The following APPL1 variants were observed in gnomAD, a reference collection of about 807,000 sequenced individuals.
APPL1 encodes the protein DCC-interacting protein 13-alpha.
Under a neutral mutation model 106.8 loss-of-function variants are expected in APPL1, and 42 were observed. The observed-to-expected ratio is 0.39, with a 90% CI of 0.31 to 0.51. APPL1 has a LOEUF of 0.51. Among genes scored for constraint, APPL1 ranks in the 20% least tolerant of loss-of-function variants. The probability of loss-of-function intolerance (pLI) is 0.75; values close to 1 mark genes in which losing one functional copy is unlikely to be tolerated. For missense variants in APPL1, 769 were observed against 858.2 expected, an observed-to-expected ratio of 0.90 and a Z score of 1.30; for synonymous variants, 263 against 281.8, an observed-to-expected ratio of 0.93 and a Z score of 0.67.
chr3:57,240,628 T>TA, intron 5 of APPL1, 76 bp downstream of exon 5: 1 of 1,294,350 alleles, frequency 7.7e-7, no homozygotes, highest in Non-Finnish European at 1.1e-6. Flanking sequence ...ACTCTGTACT[T>TA]ACACCATTTC....
chr3:57,232,052 G>GA (rs1228065030), intron 1 of APPL1, among the ~76,000 whole-genome samples: 3 of 152,138 alleles, frequency 2.0e-5, no homozygotes, highest in Admixed American at 6.6e-5. Context: ...CATTGAGCCA[G>GA]AAAATCTTAA....
At chr3:57,230,297 C>T (rs1002794633) in intron 1 of APPL1, among the ~76,000 whole-genome samples, 52 of 152,316 alleles carry the variant, frequency 3.4e-4, no homozygotes, top group African/African-American at 1.1e-3. Flanking sequence ...GTCTTAATGA[C>T]ATGTTTTTAT....
chr3:57,260,475 ATTAC>A (rs2060859342), intron 18 of APPL1, 149 bp from the exon 19 acceptor site: 1 of 669,662 alleles, frequency 1.5e-6, no homozygotes, highest in Non-Finnish European at 2.2e-6. Context: ...CAAATATGAC[ATTAC>A]TTGTTTCTGC....
chr3:57,270,464 T>C lies in APPL1; in HGVS notation c.*777T>C. 6.5e-6 allele frequency: 1 copy of C among 152,792 alleles called. No homozygotes were observed. The allele number at this position is 152,792 out of a possible 1,614,324, so 9.5% of individuals were successfully genotyped here. ...GATATTGGAATTTATTAAAAGATTT[T>C]TGTTCAATACATTTTAGATTAGGAT... is the stretch of plus-strand genomic sequence containing the variant. On this transcript the variant is annotated 3_prime_UTR_variant, in exon 22 of 22. Coordinates refer to ENST00000288266, the MANE Select transcript of APPL1 (RefSeq NM_012096.3).
chr3:57,248,939 A>C (rs2060789026), intron 10 of APPL1, among the ~76,000 whole-genome samples: 1 of 152,228 alleles, frequency 6.6e-6, no homozygotes, highest in Non-Finnish European at 1.5e-5. Context: ...TAACATGAGA[A>C]TGCTATGAAA....
intron 9 of APPL1, 81 bp downstream of exon 9, chr3:57,247,558 C>T (rs2060781042): frequency 6.7e-6 from 6 of 889,146 alleles, no homozygotes; most frequent in Non-Finnish European, 1.0e-5. Context: ...AGATATTTAT[C>T]ATTTACTTTC....
intron 9 of APPL1, among the ~76,000 whole-genome samples, chr3:57,247,903 T>C (rs930756964): frequency 6.6e-6 from 1 of 152,164 alleles, no homozygotes; most frequent in African/African-American, 2.4e-5. Flanking sequence ...TGGAGAGAGA[T>C]GAAAGTGATT....
At chr3:57,249,330 T>G in intron 10 of APPL1, 30 bp from the exon 11 acceptor site, 1 of 1,612,380 alleles carries the variant, frequency 6.2e-7, no homozygotes, top group Non-Finnish European at 8.5e-7. Context: ...TATGTTGTTA[T>G]TAAAGAGTGA....
At chr3:57,262,937 G>A (rs550551899) in intron 19 of APPL1, among the ~76,000 whole-genome samples, 1 of 148,588 alleles carries the variant, frequency 6.7e-6, no homozygotes, top group African/African-American at 2.5e-5. Context: ...TGCAACCTCC[G>A]CCCCCTCGGG....
At position 57,260,010 on chromosome 3, in the gene APPL1, A is replaced by G; in HGVS notation, c.1649A>G (p.Asp550Gly). 1.2e-6 allele frequency: 2 copies of G among 1,613,586 alleles called. 1 individual carries two copies. Among genetic ancestry groups the G allele is most frequent in the South Asian group, 2.2e-5 (2 of 90,850 alleles). ...MTESHLLVTCDCLKLIDPQTQ... is the reference protein window; with the variant it reads ...MTESHLLVTCGCLKLIDPQTQ... Reference sequence around the variant, plus strand: ...GAATCGCATTTATTAGTCACTTGTGACTGTTTAAAGTAAGTAAAACCCTCC... The same window carrying G: ...GAATCGCATTTATTAGTCACTTGTGGCTGTTTAAAGTAAGTAAAACCCTCC... The change falls in exon 17 of 22, where the codon GAC becomes GGC. Residue 550 changes from aspartate (D) to glycine (G), a missense_variant. Physicochemically the swap from Asp to Gly is moderately conservative, Grantham distance 94. Transcript: ENST00000288266.
At position 57,246,791 on chromosome 3, in the gene APPL1, C is replaced by T. The variant is rs936103601; in HGVS notation, c.621+569C>T. ...GCCGAGGTAGGAGGATCATTTGAGTCCAGGAGTTTGAGACTAGCCTCAGCA... is the reference window on the plus strand; with the variant it reads ...GCCGAGGTAGGAGGATCATTTGAGTTCAGGAGTTTGAGACTAGCCTCAGCA... On this transcript the variant is annotated intron_variant, in intron 8 of 21. Transcript: ENST00000288266. 5.9e-5 allele frequency among the ~76,000 whole-genome samples: 9 copies of T among 151,828 alleles called. No individual in the cohort carries two copies. The East Asian group carries it at 9.7e-4, about 16-fold the overall frequency.
intron 7 of APPL1, 46 bp downstream of exon 7, chr3:57,242,960 T>A: frequency 7.0e-7 from 1 of 1,431,200 alleles, no homozygotes; most frequent in Non-Finnish European, 9.8e-7. Flanking sequence ...AACTATTCAT[T>A]AGGTGGTTTA....
intron 8 of APPL1, among the ~76,000 whole-genome samples, chr3:57,246,822 G>C (rs1245849233): frequency 6.6e-6 from 1 of 151,942 alleles, no homozygotes; most frequent in East Asian, 1.9e-4. Flanking sequence ...CAGCAACGTA[G>C]GGAGACCCCA....
At chr3:57,233,963 A>G (rs2060702639) in intron 1 of APPL1, among the ~76,000 whole-genome samples, 1 of 152,072 alleles carries the variant, frequency 6.6e-6, no homozygotes, top group Admixed American at 6.6e-5. Context: ...ACATGCCTGT[A>G]GTCCCAGCTA....
At chr3:57,258,436 A>G (rs1461895575) in intron 15 of APPL1, among the ~76,000 whole-genome samples, 1 of 152,214 alleles carries the variant, frequency 6.6e-6, no homozygotes, top group Non-Finnish European at 1.5e-5. Flanking sequence ...CTGAGATTAC[A>G]GGTGTGAGCC....
At chr3:57,258,864 G>A (rs2060850712) in intron 15 of APPL1, 164 bp from the exon 16 acceptor site, 2 of 553,278 alleles carry the variant, frequency 3.6e-6, no homozygotes, top group Non-Finnish European at 6.4e-6. Flanking sequence ...TGAGGGCAGA[G>A]GCCTTCATCA....
rs200042046 is a variant in APPL1, at chr3:57,269,822, TA to T, written c.*143del. 6.3e-5 allele frequency: 65 copies of T among 1,032,850 alleles called. No individual in the cohort carries two copies. The highest frequency in any genetic ancestry group is 7.7e-5 in the Admixed American group (3 of 38,728). The allele number at this position is 1,032,850 out of a possible 1,614,324, so 64.0% of individuals were successfully genotyped here. On this transcript the variant is annotated 3_prime_UTR_variant, in exon 22 of 22. Coordinates refer to ENST00000288266, the MANE Select transcript of APPL1 (RefSeq NM_012096.3). ...TTGCTTATTTGTTGTAGCTACATTT[TA>T]AAAAAAAGATTGAACTTGATGACTT... is the stretch of plus-strand genomic sequence containing the variant.
intron 11 of APPL1, among the ~76,000 whole-genome samples, 191 bp from the exon 12 acceptor site, chr3:57,252,078 C>A (rs2060808238): frequency 6.6e-6 from 1 of 152,148 alleles, no homozygotes. Flanking sequence ...AAAGTCAGAG[C>A]TGTTAAAGTC....
Position 57,249,412 on chromosome 3 carries a change from G to C in APPL1, c.916G>C (p.Gly306Arg), listed in dbSNP as rs758276895. The C allele has an allele frequency of 1.9e-5, 30 of 1,614,138 alleles. No individual in the cohort carries two copies. The South Asian group carries it at 3.3e-4, about 18-fold the overall frequency. Residue 306 changes from glycine (G) to arginine (R), a missense_variant, in exon 11 of 22, where the codon GGT becomes CGT. Coordinates refer to ENST00000288266, the MANE Select transcript of APPL1 (RefSeq NM_012096.3). ...TWDRQFYFTQ[G>R]GNLMSQARGD... is the part of the protein sequence containing the mutation. ...GGACAGACAGTTTTACTTCACGCAGGGTGGAAATTTAATGAGTCAGGCCCG... is the reference window on the plus strand; with the variant it reads ...GGACAGACAGTTTTACTTCACGCAGCGTGGAAATTTAATGAGTCAGGCCCG...
Sources: allele counts gnomAD v4.1 joint callset (sites outside exome capture counted in the v4.1 genomes callset), GRCh38; gene constraint gnomAD v4.1.1; transcripts MANE v1.5; gene names NCBI Gene and HGNC (gene_info 2026-07-23, HGNC 2026-07-21).